The following GRIK1 variants were observed in gnomAD, a reference collection of about 807,000 sequenced individuals.
The protein encoded by GRIK1 is glutamate ionotropic receptor kainate type subunit 1, also known as glutamate receptor ionotropic, kainate 1.
Under a neutral mutation model 105.7 loss-of-function variants are expected in GRIK1, and 69 were observed. The observed-to-expected ratio is 0.65, with a 90% CI of 0.54 to 0.80. The LOEUF (loss-of-function observed/expected upper bound fraction) is 0.80. GRIK1 is among the 30% of genes least tolerant of loss of function. The probability of loss-of-function intolerance (pLI) is 0.00; values close to 1 mark genes in which losing one functional copy is unlikely to be tolerated. For synonymous variants in GRIK1, 438 were observed against 431.3 expected (o/e 1.02, Z -0.19); for missense variants, 1,109 against 1,167.3 (o/e 0.95, Z 0.73).
chr21:29,766,885 C>G (rs1029185633), intron 1 of GRIK1, among the ~76,000 whole-genome samples: 6 of 152,238 alleles, frequency 3.9e-5, no homozygotes, highest in African/African-American at 1.4e-4. Flanking sequence ...CCGTCTGTCT[C>G]TCTTTATGAA....
intron 4 of GRIK1, among the ~76,000 whole-genome samples, chr21:29,671,354 AC>A (rs1334641454): frequency 4.6e-5 from 7 of 150,918 alleles, no homozygotes; most frequent in African/African-American, 1.7e-4. Flanking sequence ...CGAACTCCTG[AC>A]CTCAAGTGAT....
chr21:29,801,379 A>G (rs1402641465), intron 1 of GRIK1, among the ~76,000 whole-genome samples: 3 of 152,028 alleles, frequency 2.0e-5, no homozygotes, highest in African/African-American at 7.2e-5. Flanking sequence ...AGTCACAGTT[A>G]ATTATTTTTA....
At chr21:29,846,452 GGAA>G (rs1457386829) in intron 1 of GRIK1, among the ~76,000 whole-genome samples, 11,458 of 113,746 alleles carry the variant, frequency 0.1, 720 homozygotes, top group African/African-American at 0.18. Flanking sequence ...AAGGAAAGAA[GGAA>G]AGAGAGAGAG....
intron 1 of GRIK1, among the ~76,000 whole-genome samples, chr21:29,851,239 G>A (rs1207130229): frequency 6.6e-6 from 1 of 152,012 alleles, no homozygotes; most frequent in Non-Finnish European, 1.5e-5. Context: ...ATTTTTGGTA[G>A]AGTCAGGGTT....
At chr21:29,846,521 T>G (rs903608100) in intron 1 of GRIK1, among the ~76,000 whole-genome samples, 1 of 140,476 alleles carries the variant, frequency 7.1e-6, no homozygotes, top group Admixed American at 7.0e-5. Flanking sequence ...AAGAAAGAAA[T>G]GCTTCTTCAT....
chr21:29,722,834 T>C (rs776010983), intron 1 of GRIK1, among the ~76,000 whole-genome samples: 19 of 152,194 alleles, frequency 1.2e-4, no homozygotes, highest in Middle Eastern at 3.2e-3. Context: ...GCAAAGAGAT[T>C]GAATTGAGAT....
intron 1 of GRIK1, among the ~76,000 whole-genome samples, chr21:29,766,094 C>G (rs561948915): frequency 6.6e-6 from 1 of 152,248 alleles, no homozygotes; most frequent in Admixed American, 6.5e-5. Flanking sequence ...CGTGATCCGG[C>G]CGCCTTGGCC....
intron 1 of GRIK1, among the ~76,000 whole-genome samples, chr21:29,695,956 G>C (rs1025007785): frequency 2.6e-5 from 4 of 152,202 alleles, no homozygotes; most frequent in African/African-American, 4.8e-5. Context: ...TACGCATCAT[G>C]CGCGTCATTT....
At chr21:29,678,231 G>T (rs569290400) in intron 3 of GRIK1, among the ~76,000 whole-genome samples, 1 of 152,230 alleles carries the variant, frequency 6.6e-6, no homozygotes, top group South Asian at 2.1e-4. Flanking sequence ...GGGGATCTGT[G>T]CATCCTCCAG....
At chr21:29,894,259 C>G (rs1293755193) in intron 1 of GRIK1, among the ~76,000 whole-genome samples, 1 of 152,098 alleles carries the variant, frequency 6.6e-6, no homozygotes, top group African/African-American at 2.4e-5. Flanking sequence ...AACGAGGAAG[C>G]CAGTGGTGGA....
rs528016698 is a variant in GRIK1, at chr21:29,772,353, GTTAT to G, written c.119-78294_119-78291del. 2.2e-3 allele frequency among the ~76,000 whole-genome samples: 339 copies of G among 152,288 alleles called. 1 individual carries two copies. The highest frequency in any genetic ancestry group is 3.5e-3 in the Admixed American group (53 of 15,302). ...AGATAAAAATAGTTTTTGAAAGTGT[GTTAT>G]TTGTCTACAACAGCATCAACACTCA... On this transcript the variant is annotated intron_variant, in intron 1 of 17. Coordinates refer to ENST00000327783, the MANE Select transcript of GRIK1 (RefSeq NM_001330994.2).
intron 1 of GRIK1, among the ~76,000 whole-genome samples, chr21:29,838,860 T>C (rs1486420492): frequency 2.0e-5 from 3 of 152,174 alleles, no homozygotes; most frequent in Non-Finnish European, 4.4e-5. Flanking sequence ...CACAAGTTAC[T>C]AACCTCACAG....
At position 29,560,613 on chromosome 21, in the gene GRIK1, T is replaced by C. The variant is rs113462248; in HGVS notation, c.2356+1011A>G. Among the ~76,000 whole-genome samples the C allele has an allele frequency of 9.2e-3, 1,330 of 143,936 alleles. 26 individuals are homozygous for C. The highest frequency in any genetic ancestry group is 0.034 in the African/African-American group (1,269 of 37,598). The allele number at this position is 143,936 out of a possible 152,430, so 94.4% of individuals were successfully genotyped here. A position where few individuals can be genotyped will look rare whatever the true frequency, so the allele number is the denominator to read the frequency against. On this transcript the variant is annotated intron_variant, in intron 15 of 17. Transcript: ENST00000327783. ...CTTTCTCTCCTTCCTTCCTTCTTTC[T>C]TTTTTTGAGATGGAGTCTCGCTCTG...
At chr21:29,933,487 C>T (rs2071643321) in intron 1 of GRIK1, among the ~76,000 whole-genome samples, 1 of 152,144 alleles carries the variant, frequency 6.6e-6, no homozygotes, top group Non-Finnish European at 1.5e-5. Context: ...GTTTGTTTTG[C>T]TGCAGAATTT....
intron 1 of GRIK1, among the ~76,000 whole-genome samples, chr21:29,729,739 G>A (rs760153432): frequency 1.2e-4 from 18 of 152,168 alleles, no homozygotes; most frequent in Admixed American, 1.3e-4. Context: ...TTTCATGTCT[G>A]TAACTGTAGT....
intron 1 of GRIK1, among the ~76,000 whole-genome samples, chr21:29,762,665 C>A (rs2065557249): frequency 6.7e-6 from 1 of 150,080 alleles, no homozygotes; most frequent in African/African-American, 2.5e-5. Context: ...TCTGTCTGTG[C>A]ATTAAGAATT....
At chr21:29,764,783 T>C (rs932718816) in intron 1 of GRIK1, among the ~76,000 whole-genome samples, 2 of 152,212 alleles carry the variant, frequency 1.3e-5, no homozygotes, top group Non-Finnish European at 2.9e-5. Flanking sequence ...ATTAAAAGCA[T>C]TGTGAACTTC....
Position 29,680,824 on chromosome 21 carries a change from G to A in GRIK1, c.545-7660C>T, listed in dbSNP as rs563393336. Among the ~76,000 whole-genome samples the A allele has an allele frequency of 1.6e-4, 24 of 152,264 alleles. No individual in the cohort carries two copies. The East Asian group carries it at 4.6e-3, about 29-fold the overall frequency. The stretch of plus-strand genomic sequence containing the variant: ...CAGACAAATATAGAAGAAGTGCTTA[G>A]GTATGTATATATAGAAATAAACATA... On this transcript the variant is annotated intron_variant, in intron 3 of 17. Transcript: ENST00000327783.
intron 1 of GRIK1, among the ~76,000 whole-genome samples, chr21:29,830,394 G>A (rs1181174473): frequency 6.8e-6 from 1 of 147,148 alleles, no homozygotes; most frequent in East Asian, 2.1e-4. Context: ...AAACAAAGGA[G>A]CAGAAATAAA....
Sources: allele counts gnomAD v4.1 joint callset (sites outside exome capture counted in the v4.1 genomes callset), GRCh38; gene constraint gnomAD v4.1.1; transcripts MANE v1.5; gene names NCBI Gene and HGNC (gene_info 2026-07-23, HGNC 2026-07-21).